The following TANGO6 variants were observed in gnomAD, a reference collection of about 807,000 sequenced individuals.
TANGO6 encodes transport and golgi organization 6 homolog, also known as transport and Golgi organization protein 6 homolog.
In TANGO6, 90 loss-of-function variants were observed where a neutral mutation model predicts 114.2. That is an observed-to-expected ratio of 0.79 (90% CI 0.66 to 0.94). The LOEUF is 0.94. Among genes scored for constraint, TANGO6 ranks in the 40% least tolerant of loss-of-function variants. The pLI is 0.00. For synonymous variants in TANGO6, 477 were observed against 509.8 expected (o/e 0.94, Z 0.87); for missense variants, 1,274 against 1,315.3 (o/e 0.97, Z 0.49).
chr16:68,986,720 T>A lies in TANGO6; in HGVS notation c.2842+12552T>A, dbSNP rs987233382. 1.6e-4 allele frequency among the ~76,000 whole-genome samples: 25 copies of A among 152,062 alleles called. No homozygotes were observed. The South Asian group carries it at 4.2e-3, about 25-fold the overall frequency. ...AGGAGTTCAAGACCTGCCTGGCCAA[T>A]GTGGTGAAACCCGGTCTCTACTAGA... On this transcript the variant is annotated intron_variant, in intron 15 of 17. Coordinates refer to ENST00000261778, the MANE Select transcript of TANGO6 (RefSeq NM_024562.2).
At chr16:69,050,851 G>A (rs185791926) in intron 17 of TANGO6, among the ~76,000 whole-genome samples, 1 of 151,358 alleles carries the variant, frequency 6.6e-6, no homozygotes, top group Non-Finnish European at 1.5e-5. Flanking sequence ...TCTCAAACTC[G>A]TGGGCTCAAG....
chr16:68,863,148 G>T, intron 3 of TANGO6, 87 bp downstream of exon 3: 2 of 783,278 alleles, frequency 2.6e-6, no homozygotes. Context: ...AATAACTTTA[G>T]TTCCCTGTTT....
intron 14 of TANGO6, among the ~76,000 whole-genome samples, chr16:68,971,724 G>C (rs911443807): frequency 6.7e-6 from 1 of 149,250 alleles, no homozygotes; most frequent in African/African-American, 2.5e-5. Context: ...CTCTTCCTCT[G>C]GGGTTCAAGC....
At chr16:69,023,926 G>A in intron 16 of TANGO6, among the ~76,000 whole-genome samples, 1 of 151,870 alleles carries the variant, frequency 6.6e-6, no homozygotes. Flanking sequence ...ATTATTATTT[G>A]AAACAGAGTT....
chr16:68,877,467 C>CAAA (rs35716789), intron 5 of TANGO6, among the ~76,000 whole-genome samples: 7 of 85,776 alleles, frequency 8.2e-5, no homozygotes, highest in Non-Finnish European at 1.6e-4. Context: ...GACTCCATCT[C>CAAA]AAAAAAAAAA....
At chr16:69,063,251 C>T (rs557206067) in intron 17 of TANGO6, among the ~76,000 whole-genome samples, 74 of 149,816 alleles carry the variant, frequency 4.9e-4, no homozygotes, top group African/African-American at 1.8e-3. Context: ...TGGGGCCGGG[C>T]GCGGTGGCTC....
chr16:69,062,814 A>G (rs1225686066), intron 17 of TANGO6, among the ~76,000 whole-genome samples: 2 of 146,628 alleles, frequency 1.4e-5, no homozygotes, highest in Non-Finnish European at 3.0e-5. Context: ...AAAAAGAATC[A>G]GCCAGGCGCA....
intron 15 of TANGO6, among the ~76,000 whole-genome samples, chr16:68,982,399 A>C (rs1029148220): frequency 6.6e-6 from 1 of 151,880 alleles, no homozygotes; most frequent in Non-Finnish European, 1.5e-5. Flanking sequence ...GCAGTGGTGC[A>C]ATCTTGGCTC....
intron 1 of TANGO6, among the ~76,000 whole-genome samples, chr16:68,858,969 T>C (rs1288008355): frequency 6.6e-6 from 1 of 152,196 alleles, no homozygotes; most frequent in Non-Finnish European, 1.5e-5. Flanking sequence ...TTTTTGGATG[T>C]TTTGTTGTTA....
At chr16:68,924,516 G>A (rs992146294) in intron 12 of TANGO6, among the ~76,000 whole-genome samples, 6 of 149,936 alleles carry the variant, frequency 4.0e-5, no homozygotes, top group South Asian at 4.2e-4. Context: ...AGCTGGGCAC[G>A]GTGGCTCATG....
intron 4 of TANGO6, among the ~76,000 whole-genome samples, chr16:68,873,797 G>A (rs1176095777): frequency 6.6e-6 from 1 of 152,154 alleles, no homozygotes; most frequent in African/African-American, 2.4e-5. Flanking sequence ...GTTCTGGAAT[G>A]CAGTTAAGTT....
At chr16:68,929,436 A>G (rs1289696687) in intron 13 of TANGO6, among the ~76,000 whole-genome samples, 1 of 152,126 alleles carries the variant, frequency 6.6e-6, no homozygotes, top group Non-Finnish European at 1.5e-5. Flanking sequence ...AAGATTCCCT[A>G]CCTTCAAAAC....
chr16:68,875,398 G>A, intron 5 of TANGO6, 108 bp downstream of exon 5: 1 of 1,317,490 alleles, frequency 7.6e-7, no homozygotes, highest in East Asian at 2.5e-5. Flanking sequence ...TAATATTTAA[G>A]TTTATTGTTT....
chr16:69,042,967 G>A (rs1959796137), intron 17 of TANGO6, among the ~76,000 whole-genome samples: 1 of 152,198 alleles, frequency 6.6e-6, no homozygotes, highest in Non-Finnish European at 1.5e-5. Context: ...CTCACCGCCT[G>A]TAATCCCAGC....
intron 15 of TANGO6, among the ~76,000 whole-genome samples, chr16:69,009,215 G>A (rs1001115582): frequency 3.3e-5 from 5 of 150,572 alleles, no homozygotes; most frequent in Non-Finnish European, 5.9e-5. Flanking sequence ...CCAAATAGCT[G>A]GGATTACAGG....
chr16:68,913,688 C>T (rs1306932218), intron 11 of TANGO6, among the ~76,000 whole-genome samples: 3 of 151,336 alleles, frequency 2.0e-5, no homozygotes, highest in Non-Finnish European at 4.4e-5. Context: ...GGATTAGAGA[C>T]GTAAGCCACT....
At chr16:68,989,024 T>C (rs1271118624) in intron 15 of TANGO6, among the ~76,000 whole-genome samples, 2 of 152,110 alleles carry the variant, frequency 1.3e-5, no homozygotes, top group African/African-American at 4.8e-5. Context: ...CCAACACACC[T>C]GGCTAATTTT....
chr16:68,963,404 A>T (rs1963613988), intron 14 of TANGO6, among the ~76,000 whole-genome samples: 1 of 152,168 alleles, frequency 6.6e-6, no homozygotes, highest in African/African-American at 2.4e-5. Context: ...GGTGTGAACC[A>T]CCATGCCCAG....
Position 68,881,370 on chromosome 16 carries a change from C to T in TANGO6, c.1377+740C>T, listed in dbSNP as rs150397001. Among the ~76,000 whole-genome samples, 825 of 152,084 alleles carry T rather than the reference C, an allele frequency of 5.4e-3. 7 individuals are homozygous for T. The highest frequency in any genetic ancestry group is 0.019 in the African/African-American group (788 of 41,494). On this transcript the variant is annotated intron_variant, in intron 7 of 17. Coordinates refer to ENST00000261778, the MANE Select transcript of TANGO6 (RefSeq NM_024562.2). Reference sequence around the variant, plus strand: ...CTCTACTAAAAATACAAAAATTAGCCGGGCCTGGTGGCACACACCTGTAAT... The same window carrying T: ...CTCTACTAAAAATACAAAAATTAGCTGGGCCTGGTGGCACACACCTGTAAT...
Sources: gnomAD v4.1 joint callset for allele counts (sites outside exome capture counted in the v4.1 genomes callset) on GRCh38, gnomAD v4.1.1 for gene constraint, MANE v1.5 for transcripts, NCBI Gene and HGNC (gene_info 2026-07-23, HGNC 2026-07-21) for gene names.